Variants in DMD observed in about 807,000 individuals in gnomAD.
DMD encodes dystrophin.
In DMD, 63 loss-of-function variants were observed where a neutral mutation model predicts 330.1. The observed-to-expected ratio is 0.19, with a 90% CI of 0.16 to 0.24. DMD has a LOEUF of 0.24. DMD is among the 10% of genes least tolerant of loss of function. DMD has a pLI of 1.00. For missense variants in DMD, 3,344 were observed against 2,684.1 expected, an observed-to-expected ratio of 1.25 and a Z score of -5.43; for synonymous variants, 1,223 against 959.8, an observed-to-expected ratio of 1.27 and a Z score of -5.07.
chrX:31,152,981 CAT>C (rs1317097096), intron 74 of DMD, among the ~76,000 whole-genome samples: 1 of 112,421 alleles, frequency 8.9e-6, no homozygotes, highest in Non-Finnish European at 1.9e-5. Context: ...CTATTATTCT[CAT>C]GTGTGTGTAC....
chrX:32,861,785 G>C (rs752460707), intron 2 of DMD, among the ~76,000 whole-genome samples: 1 of 111,743 alleles, frequency 8.9e-6, no homozygotes, highest in East Asian at 2.8e-4. Flanking sequence ...GTAGTCCACA[G>C]ACATCAGCCT....
chrX:32,560,839 T>C (rs1271952610), intron 16 of DMD, among the ~76,000 whole-genome samples: 1 of 112,282 alleles, frequency 8.9e-6, no homozygotes, highest in Non-Finnish European at 1.9e-5. Context: ...CAGTCTATCA[T>C]TGATGGGCAT....
At chrX:32,515,225 G>T (rs1373673473) in intron 18 of DMD, among the ~76,000 whole-genome samples, 3 of 111,427 alleles carry the variant, frequency 2.7e-5, no homozygotes, top group African/African-American at 9.8e-5. Context: ...TGGGAAAGCA[G>T]AGGAAGTGAA....
chrX:32,059,950 T>C (rs1389222582), intron 44 of DMD, among the ~76,000 whole-genome samples: 1 of 111,611 alleles, frequency 9.0e-6, no homozygotes, highest in African/African-American at 3.3e-5. Flanking sequence ...TGTTAAATTA[T>C]AAATGCATAC....
intron 7 of DMD, among the ~76,000 whole-genome samples, chrX:32,727,759 A>G (rs1412539758): frequency 9.1e-6 from 1 of 109,966 alleles, no homozygotes. Flanking sequence ...ATACATACAC[A>G]TACACACATA....
chrX:32,873,152 G>A (rs1287511270), intron 2 of DMD, among the ~76,000 whole-genome samples: 1 of 111,041 alleles, frequency 9.0e-6, no homozygotes, highest in African/African-American at 3.3e-5. Context: ...TAGGTCCTCA[G>A]GACACATGGC....
At chrX:33,197,323 C>T (rs142367880) in intron 1 of DMD, among the ~76,000 whole-genome samples, 1,159 of 112,080 alleles carry the variant, frequency 0.01, 14 homozygotes, top group African/African-American at 0.035. Flanking sequence ...CTTTACCTCT[C>T]CCAATGTTGA....
chrX:32,977,757 A>G (rs1279605619), intron 2 of DMD, among the ~76,000 whole-genome samples: 1 of 110,636 alleles, frequency 9.0e-6, no homozygotes, highest in Non-Finnish European at 1.9e-5. Context: ...TACATATATC[A>G]GTGTGGGAAG....
intron 50 of DMD, among the ~76,000 whole-genome samples, chrX:31,798,084 A>C (rs758079027): frequency 3.6e-5 from 4 of 112,401 alleles, no homozygotes; most frequent in Non-Finnish European, 7.5e-5. Flanking sequence ...CATGGTTCTG[A>C]CATTCAAATT....
At chrX:32,823,664 G>A (rs1344221923) in intron 4 of DMD, among the ~76,000 whole-genome samples, 3 of 111,743 alleles carry the variant, frequency 2.7e-5, no homozygotes, top group Admixed American at 1.9e-4. Context: ...ATGTCATAAA[G>A]TATGTTTAAA....
At chrX:31,195,946 T>C (rs1227744420) in intron 67 of DMD, among the ~76,000 whole-genome samples, 1 of 111,496 alleles carries the variant, frequency 9.0e-6, no homozygotes, top group Non-Finnish European at 1.9e-5. Flanking sequence ...CAAAATGACA[T>C]GTGCTTTTCC....
intron 53 of DMD, among the ~76,000 whole-genome samples, chrX:31,674,490 T>C (rs111909978): frequency 0.058 from 6,508 of 112,173 alleles, 464 homozygotes; most frequent in African/African-American, 0.2. Flanking sequence ...TTCAATATTA[T>C]ATAGCCAAAT....
rs931567996 is a variant in DMD at position 32,916,821 on chromosome X, A to G, written c.94-67001T>C. Among the ~76,000 whole-genome samples the G allele has an allele frequency of 3.6e-5, 4 of 111,605 alleles. No homozygotes were observed. In the Admixed American group the frequency reaches 3.8e-4, roughly 11 times the overall value. On this transcript the variant is annotated intron_variant, in intron 2 of 78. Coordinates refer to ENST00000357033, the MANE Select transcript of DMD (RefSeq NM_004006.3). ...GTTTAAAGAGCATTTTTTCTAGTAT[A>G]TGGTAGTATAATAAACAATAATTCA...
intron 44 of DMD, among the ~76,000 whole-genome samples, chrX:32,180,495 A>G (rs1419650279): frequency 9.0e-6 from 1 of 111,145 alleles, no homozygotes; most frequent in African/African-American, 3.3e-5. Context: ...TTACAGAGAG[A>G]GGTGGGCTTG....
At position 32,102,716 on chromosome X, in the gene DMD, C is replaced by A. The variant is rs541180325; in HGVS notation, c.6438+114200G>T. ...CATCTTCTGATGAATAAGAAAAACACTCAATTGGCAATGGAGCTGATCATG... is the reference window on the plus strand; with the variant it reads ...CATCTTCTGATGAATAAGAAAAACAATCAATTGGCAATGGAGCTGATCATG... On this transcript the variant is annotated intron_variant, in intron 44 of 78. Coordinates refer to ENST00000357033, the MANE Select transcript of DMD (RefSeq NM_004006.3). Among the ~76,000 whole-genome samples, 7 of 111,377 alleles carry A rather than the reference C, an allele frequency of 6.3e-5. No individual in the cohort carries two copies. In the South Asian group the frequency reaches 2.6e-3, roughly 42 times the overall value.
intron 1 of DMD, among the ~76,000 whole-genome samples, chrX:33,268,971 G>GC (rs1274808838): frequency 9.2e-6 from 1 of 109,136 alleles, no homozygotes; most frequent in African/African-American, 3.3e-5. Context: ...AAAAGGGAGT[G>GC]CTTATACACT....
chrX:32,574,155 G>T (rs2052752003), intron 13 of DMD, among the ~76,000 whole-genome samples: 1 of 111,479 alleles, frequency 9.0e-6, no homozygotes, highest in South Asian at 3.7e-4. Context: ...AGAGGATTTT[G>T]CAGTGAGAAC....
chrX:32,047,749 A>T (rs2096074027), intron 44 of DMD, among the ~76,000 whole-genome samples: 1 of 111,273 alleles, frequency 9.0e-6, no homozygotes, highest in South Asian at 3.7e-4. Flanking sequence ...TTTACAGATT[A>T]TGTATTTCCA....
chrX:32,559,332 T>C (rs1275802234), intron 16 of DMD, among the ~76,000 whole-genome samples: 1 of 111,479 alleles, frequency 9.0e-6, no homozygotes. Context: ...GTTAATTCTA[T>C]GACCTTAAGT....
Sources: allele counts gnomAD v4.1 joint callset (sites outside exome capture counted in the v4.1 genomes callset), GRCh38; gene constraint gnomAD v4.1.1; transcripts MANE v1.5; gene names NCBI Gene and HGNC (gene_info 2026-07-23, HGNC 2026-07-21).